PCDHGA5: variants seen among roughly 807,000 people sequenced by gnomAD.
The protein encoded by PCDHGA5 is protocadherin gamma-A5.
A neutral mutation model predicts 56.7 loss-of-function variants in PCDHGA5; 36 were observed. The observed-to-expected ratio is 0.64, with a 90% CI of 0.49 to 0.84. PCDHGA5 has a LOEUF of 0.84. Among genes scored for constraint, PCDHGA5 ranks in the 40% least tolerant of loss-of-function variants. PCDHGA5 has a pLI of 0.00. For synonymous variants in PCDHGA5, 563 were observed against 520.2 expected, an observed-to-expected ratio of 1.08 and a Z score of -1.12; for missense variants, 1,305 against 1,201.5, an observed-to-expected ratio of 1.09 and a Z score of -1.27.
chr5:141,418,990 G>A (rs1029969170), intron 1 of PCDHGA5: 1 of 1,613,784 alleles, frequency 6.2e-7, no homozygotes, highest in African/African-American at 1.3e-5. Flanking sequence ...AAGACTCAGG[G>A]GAAAATGGGG....
rs551289441 is a variant in PCDHGA5, at chr5:141,444,102, C to T, written c.2422-50705C>T. ...TGAAAAGTCTGCTAAGGATTGGAAACCAAGAAAAGTGAAGTATCTCAACAG... is the reference window on the plus strand; with the variant it reads ...TGAAAAGTCTGCTAAGGATTGGAAATCAAGAAAAGTGAAGTATCTCAACAG... On this transcript the variant is annotated intron_variant, in intron 1 of 3. Coordinates refer to ENST00000518069, the MANE Select transcript of PCDHGA5 (RefSeq NM_018918.3). Among the ~76,000 whole-genome samples the T allele has an allele frequency of 1.5e-3, 216 of 144,128 alleles. 1 individual carries two copies. Among genetic ancestry groups the T allele is most frequent in the African/African-American group, 5.4e-3 (211 of 38,798 alleles). 94.6% of individuals were successfully genotyped at this position (144,128 alleles called of 152,430 possible).
chr5:141,435,108 G>A lies in PCDHGA5; in HGVS notation c.2422-59699G>A, dbSNP rs1027955145. ...AACTGATCTGTTTATCTAGGGGGGA[G>A]AAATCTAATTCAATGGAAAATATAA... On this transcript the variant is annotated intron_variant, in intron 1 of 3. Transcript: ENST00000518069. Among the ~76,000 whole-genome samples, 3 of 152,144 alleles carry A rather than the reference G, an allele frequency of 2.0e-5. No homozygotes were observed. In the South Asian group the frequency reaches 6.2e-4, roughly 32 times the overall value.
At chr5:141,420,006 G>C (rs2096458103) in intron 1 of PCDHGA5, 2 of 1,613,934 alleles carry the variant, frequency 1.2e-6, no homozygotes, top group Admixed American at 3.3e-5. Flanking sequence ...CTACGCCTGC[G>C]ACAGTCTTTC....
intron 1 of PCDHGA5, chr5:141,394,441 G>A (rs1161641966): frequency 6.2e-7 from 1 of 1,614,236 alleles, no homozygotes; most frequent in Admixed American, 1.7e-5. Flanking sequence ...CCGCCCCTCA[G>A]CAGCAACATG....
At chr5:141,497,553 T>C (rs2099777684) in intron 2 of PCDHGA5, among the ~76,000 whole-genome samples, 1 of 151,326 alleles carries the variant, frequency 6.6e-6, no homozygotes, top group South Asian at 2.1e-4. Context: ...TTTTTTTTTT[T>C]TTTTTAGACA....
rs200843744 is a variant in PCDHGA5, at chr5:141,491,417, G to C, written c.2422-3390G>C. 18 of 1,613,988 alleles carry C rather than the reference G, an allele frequency of 1.1e-5. No individual in the cohort carries two copies. Among genetic ancestry groups the C allele is most frequent in the Admixed American group, 5.0e-5 (3 of 60,006 alleles). ...CAGGGAAACGCAGACGGGGACGGGGGTGGAGGGCAGTGCTGCAGGCGCCAG... is the reference window on the plus strand; with the variant it reads ...CAGGGAAACGCAGACGGGGACGGGGCTGGAGGGCAGTGCTGCAGGCGCCAG... On this transcript the variant is annotated intron_variant, in intron 1 of 3. Transcript: ENST00000518069. This position sits in a 1 kb window ranked among gnomAD's most constrained non-coding sequence, Gnocchi z 6.9.
chr5:141,374,151 T>C lies in PCDHGA5; in HGVS notation c.2421+7400T>C, dbSNP rs759314106. ...CTGCTCCTCACGCTCCTGGGGACGC[T>C]GTGGGGGGCCGCGGCAGCGCAGATC... On this transcript the variant is annotated intron_variant, in intron 1 of 3. Coordinates refer to ENST00000518069, the MANE Select transcript of PCDHGA5 (RefSeq NM_018918.3). 2 of 1,611,862 alleles carry C rather than the reference T, an allele frequency of 1.2e-6. No individual in the cohort carries two copies. Among genetic ancestry groups the C allele is most frequent in the Non-Finnish European group, 1.7e-6 (2 of 1,178,732 alleles).
intron 1 of PCDHGA5, among the ~76,000 whole-genome samples, chr5:141,445,441 C>T (rs1201825256): frequency 6.6e-6 from 1 of 152,152 alleles, no homozygotes; most frequent in Admixed American, 6.6e-5. Context: ...GACCTATGGA[C>T]TAAGGATGCA....
At chr5:141,375,107 G>A in intron 1 of PCDHGA5, 1 of 1,613,962 alleles carries the variant, frequency 6.2e-7, no homozygotes, top group South Asian at 1.1e-5. Flanking sequence ...GGATGTCAAT[G>A]ATAATGTACC....
In PCDHGA5 at chr5:141,404,779, C is replaced by T. The variant is rs779433248; in HGVS notation, c.2421+38028C>T. 8.1e-6 allele frequency: 13 copies of T among 1,613,628 alleles called. No individual in the cohort carries two copies. In the Admixed American group the frequency reaches 1.5e-4, roughly 19 times the overall value. ...ATGCTTGGCTCTCCTACCGCCTATT[C>T]AAGGCCAGTGAGCCAGGGCTCTTCT... On this transcript the variant is annotated intron_variant, in intron 1 of 3. Coordinates refer to ENST00000518069, the MANE Select transcript of PCDHGA5 (RefSeq NM_018918.3).
intron 1 of PCDHGA5, chr5:141,419,166 A>G: frequency 6.2e-7 from 1 of 1,613,944 alleles, no homozygotes; most frequent in Non-Finnish European, 8.5e-7. Context: ...TCCTCCAGCA[A>G]AACCATAACC....
rs771106873 is a variant in PCDHGA5, at chr5:141,426,860, A to C, written c.2421+60109A>C. 5 of 456,702 alleles carry C rather than the reference A, an allele frequency of 1.1e-5. No individual in the cohort carries two copies. In the Admixed American group the frequency reaches 1.2e-4, roughly 11 times the overall value. The allele number at this position is 456,702 out of a possible 1,614,324, so 28.3% of individuals were successfully genotyped here. A position where few individuals can be genotyped will look rare whatever the true frequency, so the allele number is the denominator to read the frequency against. On this transcript the variant is annotated intron_variant, in intron 1 of 3. Transcript: ENST00000518069. ...CTAAAGGCAAGAACGCTCCAGAATT[A>C]GTGCTGGAGAAGCCCCTGGGCCAGG...
chr5:141,493,289 C>A lies in PCDHGA5; in HGVS notation c.2422-1518C>A, dbSNP rs925045650. On this transcript the variant is annotated intron_variant, in intron 1 of 3. Coordinates refer to ENST00000518069, the MANE Select transcript of PCDHGA5 (RefSeq NM_018918.3). This position sits in a 1 kb window ranked among gnomAD's most constrained non-coding sequence, Gnocchi z 4.3. The stretch of plus-strand genomic sequence containing the variant: ...CTTCACAGAGGTCAAGTGACTTGCT[C>A]AAGTTCACAGAGCAAGTAAGAGAGA... 6.6e-6 allele frequency among the ~76,000 whole-genome samples: 1 copy of A among 152,176 alleles called. No individual in the cohort carries two copies. Among genetic ancestry groups the A allele is most frequent in the East Asian group, 1.9e-4 (1 of 5,194 alleles).
At chr5:141,374,700 C>T in intron 1 of PCDHGA5, 1 of 1,608,752 alleles carries the variant, frequency 6.2e-7, no homozygotes, top group Non-Finnish European at 8.5e-7. Context: ...GAAGGAGAAG[C>T]CGTTTACCGC....
chr5:141,414,429 G>A (rs1372056104), intron 1 of PCDHGA5: 1 of 1,613,860 alleles, frequency 6.2e-7, no homozygotes, highest in Non-Finnish European at 8.5e-7. Flanking sequence ...ACAGGGAACA[G>A]GTATCCTCTT....
At position 141,511,036 on chromosome 5, in the gene PCDHGA5, G is replaced by A. The variant is rs116366286; in HGVS notation, c.2659G>A (p.Val887Met). ...CGGACCCCAGTTCACCCTGCAGCAC[G>A]TGCCCGACTACCGCCAGAATGTCTA... is the stretch of plus-strand genomic sequence containing the variant. ...RYGPQFTLQH[V>M]PDYRQNVYIP... is the part of the protein sequence containing the mutation. Residue 887 changes from valine to methionine, a missense_variant, in exon 4 of 4, where the codon GTG becomes ATG. Physicochemically the swap from Val to Met is conservative, Grantham distance 21. Transcript: ENST00000518069. 5.5e-5 allele frequency: 89 copies of A among 1,614,198 alleles called. No individual in the cohort carries two copies. The highest frequency in any genetic ancestry group is 1.6e-4 in the Middle Eastern group (1 of 6,062).
In PCDHGA5 at chr5:141,399,774, C is replaced by T. The variant is rs758550367; in HGVS notation, c.2421+33023C>T. The T allele has an allele frequency of 1.5e-5, 24 of 1,613,116 alleles. No homozygotes were observed. In the South Asian group the frequency reaches 2.4e-4, roughly 16 times the overall value. On this transcript the variant is annotated intron_variant, in intron 1 of 3. Transcript: ENST00000518069. Reference sequence around the variant, plus strand: ...ACGTGAGCCTGCGCGTGTTGGTGGGCGACCGAAACGACAACGCACCGCGGG... The same window carrying T: ...ACGTGAGCCTGCGCGTGTTGGTGGGTGACCGAAACGACAACGCACCGCGGG...
chr5:141,423,035 C>T (rs1220219512), intron 1 of PCDHGA5: 2 of 1,614,214 alleles, frequency 1.2e-6, no homozygotes, highest in Admixed American at 3.3e-5. Flanking sequence ...GGCCAGAACG[C>T]CTGGCTGTCC....
At position 141,511,241 on chromosome 5, in the gene PCDHGA5, C is replaced by T; in HGVS notation, c.*68C>T. On this transcript the variant is annotated 3_prime_UTR_variant, in exon 4 of 4. Transcript: ENST00000518069. ...CCAGCCCAGCTTCTCCTTACCTGCA[C>T]CCAGGCCTCAGAGTTTCAGGGCTAA... The T allele has an allele frequency of 2.5e-6, 4 of 1,585,214 alleles. No individual in the cohort carries two copies. Among genetic ancestry groups the T allele is most frequent in the Non-Finnish European group, 3.4e-6 (4 of 1,165,762 alleles).
Sources: gnomAD v4.1 joint callset for allele counts (sites outside exome capture counted in the v4.1 genomes callset) on GRCh38, gnomAD v4.1.1 for gene constraint, Gnocchi (gnomAD v3.1) non-coding constraint, MANE v1.5 for transcripts, NCBI Gene and HGNC (gene_info 2026-07-23, HGNC 2026-07-21) for gene names.